Variants in KCNH8 observed in about 807,000 individuals in gnomAD.
KCNH8 encodes the protein potassium voltage-gated channel subfamily H member 8.
KCNH8 carries 70 observed loss-of-function variants against 103.6 expected under a neutral mutation model. The ratio of observed to expected loss-of-function variants is 0.68; its 90% CI spans 0.56 to 0.82. The LOEUF (loss-of-function observed/expected upper bound fraction) is 0.82. Ranked by LOEUF, KCNH8 falls within the 40% of genes least tolerant of loss-of-function variation. The probability of loss-of-function intolerance (pLI) is 0.00; values close to 1 mark genes in which losing one functional copy is unlikely to be tolerated. For synonymous variants in KCNH8, 498 were observed against 489.4 expected, an observed-to-expected ratio of 1.02 and a Z score of -0.23; for missense variants, 1,217 against 1,329.9, an observed-to-expected ratio of 0.92 and a Z score of 1.32.
chr3:19,521,410 G>A (rs570633496), intron 15 of KCNH8, among the ~76,000 whole-genome samples: 1 of 152,058 alleles, frequency 6.6e-6, no homozygotes, highest in East Asian at 1.9e-4. Flanking sequence ...ATTGTTGTGA[G>A]AAGTTAATAT....
intron 3 of KCNH8, among the ~76,000 whole-genome samples, chr3:19,294,788 G>GT (rs2064974011): frequency 6.6e-6 from 1 of 152,066 alleles, no homozygotes; most frequent in African/African-American, 2.4e-5. Flanking sequence ...ATAGGCTGTG[G>GT]TAAGTACTAG....
intron 3 of KCNH8, among the ~76,000 whole-genome samples, chr3:19,313,017 T>A (rs940269690): frequency 7.9e-6 from 1 of 127,326 alleles, no homozygotes; most frequent in Non-Finnish European, 1.6e-5. Flanking sequence ...ATAACTGCTA[T>A]TGGCTGCTTT....
intron 3 of KCNH8, among the ~76,000 whole-genome samples, chr3:19,299,729 T>G (rs11709636): frequency 0.28 from 42,391 of 151,872 alleles, 6,582 homozygotes; most frequent in African/African-American, 0.42. Flanking sequence ...ATTCTAATAT[T>G]TTCCAAAGAG....
At chr3:19,279,042 A>G (rs879389430) in intron 2 of KCNH8, among the ~76,000 whole-genome samples, 1 of 152,138 alleles carries the variant, frequency 6.6e-6, no homozygotes, top group Admixed American at 6.6e-5. Context: ...CTTGCAAGGT[A>G]ATTGACAGAG....
intron 5 of KCNH8, among the ~76,000 whole-genome samples, chr3:19,370,001 A>C (rs1006403126): frequency 2.2e-4 from 33 of 152,100 alleles, no homozygotes; most frequent in African/African-American, 7.0e-4. Flanking sequence ...ATGCCTGATC[A>C]TGTCATGTCT....
At chr3:19,532,041 G>A (rs2069171342) in intron 15 of KCNH8, among the ~76,000 whole-genome samples, 1 of 152,158 alleles carries the variant, frequency 6.6e-6, no homozygotes, top group Admixed American at 6.5e-5. Flanking sequence ...TCTGAAATAT[G>A]TTTTCCTCAA....
At chr3:19,250,538 T>A (rs1358864075) in intron 1 of KCNH8, among the ~76,000 whole-genome samples, 1 of 152,188 alleles carries the variant, frequency 6.6e-6, no homozygotes, top group Non-Finnish European at 1.5e-5. Context: ...GAACTGGACT[T>A]TAGGATAAAA....
intron 1 of KCNH8, among the ~76,000 whole-genome samples, chr3:19,241,442 G>T (rs1190585320): frequency 2.6e-5 from 4 of 152,098 alleles, no homozygotes; most frequent in African/African-American, 9.7e-5. Flanking sequence ...GATACCTCAT[G>T]TGTAGACTAG....
intron 5 of KCNH8, among the ~76,000 whole-genome samples, chr3:19,386,276 AACTC>A (rs1444526972): frequency 3.9e-5 from 6 of 152,126 alleles, no homozygotes; most frequent in African/African-American, 1.4e-4. Flanking sequence ...TTCTATGTAA[AACTC>A]AAATACAATA....
chr3:19,212,169 ATATT>A (rs1329408249), intron 1 of KCNH8, among the ~76,000 whole-genome samples: 3 of 152,212 alleles, frequency 2.0e-5, no homozygotes, highest in Non-Finnish European at 4.4e-5. Flanking sequence ...CAGATTTCAC[ATATT>A]TATTAAGCAT....
At chr3:19,277,788 G>T (rs1385660079) in intron 2 of KCNH8, among the ~76,000 whole-genome samples, 2 of 152,006 alleles carry the variant, frequency 1.3e-5, no homozygotes, top group East Asian at 3.9e-4. Context: ...CTCCACAATT[G>T]TATTTATCCA....
At chr3:19,491,636 G>A (rs1297537749) in intron 11 of KCNH8, among the ~76,000 whole-genome samples, 1 of 152,188 alleles carries the variant, frequency 6.6e-6, no homozygotes, top group African/African-American at 2.4e-5. Flanking sequence ...AGTGAGTAGT[G>A]CAGCAATGAA....
chr3:19,465,704 T>G (rs1370295128), intron 11 of KCNH8, among the ~76,000 whole-genome samples: 1 of 150,928 alleles, frequency 6.6e-6, no homozygotes, highest in Non-Finnish European at 1.5e-5. Flanking sequence ...TAAGAATATG[T>G]GTGATTCCTG....
chr3:19,310,354 TATAGCAACTTACAAAA>T (rs1410561790), intron 3 of KCNH8, among the ~76,000 whole-genome samples: 4 of 152,066 alleles, frequency 2.6e-5, no homozygotes, highest in African/African-American at 9.6e-5. Flanking sequence ...TTATTTAATA[TATAGCAACTTACAAAA>T]ATATTTACCC....
At chr3:19,273,565 A>G (rs1241406998) in intron 2 of KCNH8, among the ~76,000 whole-genome samples, 1 of 152,178 alleles carries the variant, frequency 6.6e-6, no homozygotes, top group Non-Finnish European at 1.5e-5. Flanking sequence ...TCCTACACAG[A>G]GCTGCCATGG....
rs1006203315 is a variant in KCNH8, at chr3:19,364,057, C to T, written c.811+16092C>T. Among the ~76,000 whole-genome samples the T allele has an allele frequency of 1.8e-4, 28 of 152,010 alleles. 1 individual carries two copies. The highest frequency in any genetic ancestry group is 1.9e-4 in the Non-Finnish European group (13 of 67,972). ...AAGCTTTGATTAGTTAACATCCATT[C>T]GTCTCTTAGTGTTTGGCTCCCTCTC... On this transcript the variant is annotated intron_variant, in intron 5 of 15. Coordinates refer to ENST00000328405, the MANE Select transcript of KCNH8 (RefSeq NM_144633.3).
chr3:19,356,475 CT>C (rs2065883370), intron 5 of KCNH8, among the ~76,000 whole-genome samples: 1 of 152,000 alleles, frequency 6.6e-6, no homozygotes. Context: ...AGGCTGTACT[CT>C]TACTCTTAAA....
At chr3:19,239,677 T>TCTATCTAC (rs1257208748) in intron 1 of KCNH8, among the ~76,000 whole-genome samples, 4 of 145,700 alleles carry the variant, frequency 2.7e-5, no homozygotes, top group Non-Finnish European at 3.0e-5. Flanking sequence ...TATCTATCTA[T>TCTATCTAC]CTATCTACCT....
rs79444428 is a variant in KCNH8, at chr3:19,384,474, T to C, written c.812-6007T>C. 8.5e-3 allele frequency among the ~76,000 whole-genome samples: 1,293 copies of C among 152,306 alleles called. 19 individuals carry two copies. The highest frequency in any genetic ancestry group is 0.03 in the African/African-American group (1,227 of 41,552). Reference sequence around the variant, plus strand: ...CCCAAGCAGTCTATTAGGACCAATATGTATGAAAAACAATAACATTTGGGA... The same window carrying C: ...CCCAAGCAGTCTATTAGGACCAATACGTATGAAAAACAATAACATTTGGGA... On this transcript the variant is annotated intron_variant, in intron 5 of 15. Transcript: ENST00000328405.
Sources: gnomAD v4.1 joint callset for allele counts (sites outside exome capture counted in the v4.1 genomes callset) on GRCh38, gnomAD v4.1.1 for gene constraint, MANE v1.5 for transcripts, NCBI Gene and HGNC (gene_info 2026-07-23, HGNC 2026-07-21) for gene names.